The following PRKG1 variants were observed in gnomAD, a reference collection of about 807,000 sequenced individuals.
The protein encoded by PRKG1 is cGMP-dependent protein kinase 1.
Under a neutral mutation model 88.1 loss-of-function variants are expected in PRKG1, and 35 were observed. The observed-to-expected ratio is 0.40, with a 90% CI of 0.30 to 0.53. The LOEUF is 0.53. Ranked by LOEUF, PRKG1 falls within the 20% of genes least tolerant of loss-of-function variation. The pLI is 0.59. For missense variants in PRKG1, 540 were observed against 839.8 expected (o/e 0.64, Z 4.41); for synonymous variants, 303 against 292.5 (o/e 1.04, Z -0.37).
chr10:51,771,480 T>G (rs940342807), intron 3 of PRKG1, among the ~76,000 whole-genome samples: 4 of 152,322 alleles, frequency 2.6e-5, no homozygotes, highest in African/African-American at 9.6e-5. Context: ...CTGACTGATT[T>G]AGCATTCTGT....
chr10:51,904,017 C>T (rs1842034699), intron 4 of PRKG1, among the ~76,000 whole-genome samples: 1 of 152,078 alleles, frequency 6.6e-6, no homozygotes, highest in African/African-American at 2.4e-5. Context: ...CTACTCAAAT[C>T]TCATCTTCTA....
intron 3 of PRKG1, among the ~76,000 whole-genome samples, chr10:51,682,345 G>T (rs1254083905): frequency 6.6e-6 from 1 of 152,142 alleles, no homozygotes; most frequent in Non-Finnish European, 1.5e-5. Flanking sequence ...CTTACAGTCG[G>T]CTCCAAAACA....
At chr10:52,191,999 C>G (rs1184858919) in intron 9 of PRKG1, among the ~76,000 whole-genome samples, 2 of 152,068 alleles carry the variant, frequency 1.3e-5, no homozygotes, top group Non-Finnish European at 2.9e-5. Flanking sequence ...TTTATTCTTT[C>G]CTATTAATTA....
Position 50,991,653 on chromosome 10 carries a change from G to A in PRKG1, c.266+9G>A. 6.7e-7 allele frequency: 1 copy of A among 1,497,980 alleles called. No homozygotes were observed. Among genetic ancestry groups the A allele is most frequent in the Non-Finnish European group, 8.9e-7 (1 of 1,120,916 alleles). The allele number at this position is 1,497,980 out of a possible 1,614,324, so 92.8% of individuals were successfully genotyped here. On this transcript the variant is annotated intron_variant, in intron 1 of 17. Transcript: ENST00000401604. This position sits in a 1 kb window ranked among gnomAD's most constrained non-coding sequence, Gnocchi z 4.5. The stretch of plus-strand genomic sequence containing the variant: ...TTCACCAAGTCCGAAAGGTAGGCGC[G>A]GAGGCCGTGGGCCCGGGCGCTCGTC...
intron 2 of PRKG1, among the ~76,000 whole-genome samples, chr10:51,174,058 A>C (rs3998228): frequency 0.47 from 70,685 of 151,604 alleles, 16,535 homozygotes; most frequent in African/African-American, 0.54. Flanking sequence ...AATTAATGTT[A>C]CTAGTCAAAA....
chr10:52,210,886 C>T (rs1378624693), intron 9 of PRKG1, among the ~76,000 whole-genome samples: 2 of 152,150 alleles, frequency 1.3e-5, no homozygotes, highest in Non-Finnish European at 2.9e-5. Context: ...TTTAAAAGTA[C>T]ATATCAAAAA....
chr10:52,164,086 C>G (rs10824180), intron 9 of PRKG1, among the ~76,000 whole-genome samples: 10,792 of 152,132 alleles, frequency 0.071, 406 homozygotes, highest in South Asian at 0.11. Flanking sequence ...TCACTAGGCT[C>G]GTGCCTGTAA....
chr10:51,837,447 G>A (rs1244314163), intron 4 of PRKG1, among the ~76,000 whole-genome samples: 1 of 152,016 alleles, frequency 6.6e-6, no homozygotes, highest in African/African-American at 2.4e-5. Context: ...ATCTCTTGCT[G>A]TTTGCTACCA....
chr10:51,957,077 T>G (rs1442464893), intron 5 of PRKG1, among the ~76,000 whole-genome samples: 3 of 149,318 alleles, frequency 2.0e-5, no homozygotes, highest in Non-Finnish European at 4.5e-5. Flanking sequence ...CCTCTCTCTC[T>G]TTCTCTCCTT....
intron 7 of PRKG1, among the ~76,000 whole-genome samples, chr10:52,121,980 TG>T (rs1178396825): frequency 2.6e-5 from 4 of 152,186 alleles, no homozygotes; most frequent in African/African-American, 7.2e-5. Context: ...CCCAACTCCT[TG>T]GTACCAATTT....
At chr10:51,251,581 T>C (rs7097901) in intron 2 of PRKG1, among the ~76,000 whole-genome samples, 1 of 149,786 alleles carries the variant, frequency 6.7e-6, no homozygotes, top group African/African-American at 2.5e-5. Flanking sequence ...TCAACTTATA[T>C]GAAGAAATCT....
At chr10:52,136,790 G>C (rs751150845) in intron 8 of PRKG1, among the ~76,000 whole-genome samples, 1 of 151,962 alleles carries the variant, frequency 6.6e-6, no homozygotes, top group African/African-American at 2.4e-5. Flanking sequence ...GGATTCCCTT[G>C]GATTTAGCTG....
Position 51,018,759 on chromosome 10 carries a change from G to A in PRKG1, c.266+27115G>A, listed in dbSNP as rs79166875. ...ATCTCTAGATAGTAGGGCTCAAAAA[G>A]GAAGTGTCAATATTTAAAAATTAGA... On this transcript the variant is annotated intron_variant, in intron 1 of 17. Transcript: ENST00000401604. Among the ~76,000 whole-genome samples, 243 of 152,266 alleles carry A rather than the reference G, an allele frequency of 1.6e-3. 1 individual carries two copies. Among genetic ancestry groups the A allele is most frequent in the African/African-American group, 5.8e-3 (240 of 41,572 alleles).
chr10:51,113,872 A>T (rs1015690048), intron 1 of PRKG1, among the ~76,000 whole-genome samples: 1 of 151,884 alleles, frequency 6.6e-6, no homozygotes, highest in Non-Finnish European at 1.5e-5. Flanking sequence ...TGAGCTTCAC[A>T]CTCAGAACAT....
At chr10:51,973,218 A>T (rs1229993777) in intron 5 of PRKG1, among the ~76,000 whole-genome samples, 1 of 152,114 alleles carries the variant, frequency 6.6e-6, no homozygotes, top group Non-Finnish European at 1.5e-5. Context: ...GTTGCTATGA[A>T]CCAAGGTGAA....
chr10:52,068,016 A>G (rs2133279913), intron 7 of PRKG1, among the ~76,000 whole-genome samples: 1 of 113,962 alleles, frequency 8.8e-6, no homozygotes, highest in African/African-American at 2.6e-5. Context: ...CATCCTGGCT[A>G]ACACGGTGAA....
chr10:51,202,356 TC>T, intron 2 of PRKG1, among the ~76,000 whole-genome samples: 1 of 152,246 alleles, frequency 6.6e-6, no homozygotes, highest in South Asian at 2.1e-4. Context: ...GAATATAGAC[TC>T]CTCTTGGGCC....
chr10:51,725,606 A>G lies in PRKG1; in HGVS notation c.593-78979A>G, dbSNP rs117362870. On this transcript the variant is annotated intron_variant, in intron 3 of 17. Transcript: ENST00000373980. Reference sequence around the variant, plus strand: ...CTTATGTTGGTGGATATGGAATCATAGAAGAATTTCTTTTTTCTTTTCTTT... The same window carrying G: ...CTTATGTTGGTGGATATGGAATCATGGAAGAATTTCTTTTTTCTTTTCTTT... Among the ~76,000 whole-genome samples, 600 of 150,050 alleles carry G rather than the reference A, an allele frequency of 4.0e-3. 2 individuals are homozygous for G. Among genetic ancestry groups the G allele is most frequent in the Non-Finnish European group, 5.6e-3 (382 of 67,722 alleles).
At chr10:51,766,477 GC>G (rs1838166813) in intron 3 of PRKG1, among the ~76,000 whole-genome samples, 1 of 151,988 alleles carries the variant, frequency 6.6e-6, no homozygotes, top group South Asian at 2.1e-4. Flanking sequence ...GGCAAGACCT[GC>G]CCCCCAACCA....
Sources: gnomAD v4.1 joint callset for allele counts (sites outside exome capture counted in the v4.1 genomes callset) on GRCh38, gnomAD v4.1.1 for gene constraint, Gnocchi (gnomAD v3.1) non-coding constraint, MANE v1.5 for transcripts, NCBI Gene and HGNC (gene_info 2026-07-23, HGNC 2026-07-21) for gene names.